The following PCDH11Y variants were observed in gnomAD, a reference collection of about 807,000 sequenced individuals.
The protein encoded by PCDH11Y is protocadherin 11 Y-linked.
For missense variants in PCDH11Y, 12 were observed against 224.8 expected (o/e 0.05, Z 6.05); for synonymous variants, 9 against 83.6 (o/e 0.11, Z 4.87).
intron 1 of PCDH11Y, among the ~76,000 whole-genome samples, chrY:5,007,302 C>T: frequency 1.0e-4 from 3 of 30,029 alleles, no homozygotes; most frequent in Admixed American, 3.1e-4. Context: ...TCATCTTGAA[C>T]GTGTAGATTT....
At chrY:5,002,228 G>A in intron 1 of PCDH11Y, among the ~76,000 whole-genome samples, 5 of 30,151 alleles carry the variant, frequency 1.7e-4, no homozygotes, top group Non-Finnish European at 4.0e-4. Flanking sequence ...GAAGGGGGAG[G>A]GGGGGCAGCA....
At chrY:5,419,701 C>T in intron 2 of PCDH11Y, among the ~76,000 whole-genome samples, 1 of 31,954 alleles carries the variant, frequency 3.1e-5, no homozygotes, top group East Asian at 8.4e-4. Flanking sequence ...CACATGGCCT[C>T]TTCTCTGTGT....
At chrY:5,205,539 A>C in intron 2 of PCDH11Y, among the ~76,000 whole-genome samples, 2 of 24,677 alleles carry the variant, frequency 8.1e-5, no homozygotes. Context: ...ATATATATAC[A>C]CTGAATATAT....
intron 2 of PCDH11Y, among the ~76,000 whole-genome samples, chrY:5,316,205 G>T (rs1602903367): frequency 1.5e-4 from 5 of 32,911 alleles, no homozygotes; most frequent in African/African-American, 3.5e-4. Context: ...GGTTCAGAAA[G>T]GTGGGACAAC....
At chrY:5,517,656 A>G in intron 3 of PCDH11Y, among the ~76,000 whole-genome samples, 1 of 32,392 alleles carries the variant, frequency 3.1e-5, no homozygotes, top group South Asian at 6.7e-4. Flanking sequence ...TGGTAAGGGC[A>G]AGTTATGATC....
intron 1 of PCDH11Y, among the ~76,000 whole-genome samples, chrY:5,097,964 A>C: frequency 3.1e-5 from 1 of 32,341 alleles, no homozygotes. Flanking sequence ...AATTTTACAA[A>C]TATCAAGAAA....
chrY:5,472,753 A>G (rs2053315252), intron 2 of PCDH11Y, among the ~76,000 whole-genome samples: 1 of 31,015 alleles, frequency 3.2e-5, no homozygotes, highest in Admixed American at 3.0e-4. Context: ...TCTCCTTTCA[A>G]TTCCCCCTGT....
chrY:5,398,047 A>G, intron 2 of PCDH11Y, among the ~76,000 whole-genome samples: 3 of 33,651 alleles, frequency 8.9e-5, no homozygotes, highest in Non-Finnish European at 2.2e-4. Flanking sequence ...AGGAAACCAA[A>G]TTACTTGAAG....
intron 2 of PCDH11Y, among the ~76,000 whole-genome samples, chrY:5,244,681 G>C: frequency 5.9e-5 from 2 of 34,014 alleles, no homozygotes; most frequent in African/African-American, 2.3e-4. Context: ...CCCAACCACG[G>C]AGCTGCATAG....
At chrY:5,516,550 A>G (rs2053372878) in intron 3 of PCDH11Y, among the ~76,000 whole-genome samples, 1 of 33,375 alleles carries the variant, frequency 3.0e-5, no homozygotes, top group Non-Finnish European at 7.4e-5. Flanking sequence ...GAGTTGTTTC[A>G]TGTGTCATTA....
chrY:5,438,157 G>T, intron 2 of PCDH11Y, among the ~76,000 whole-genome samples: 1 of 26,971 alleles, frequency 3.7e-5, no homozygotes, highest in East Asian at 9.3e-4. Context: ...CATCTTAAGA[G>T]CAATGATTAT....
chrY:5,454,128 G>GA (rs2053295627), intron 2 of PCDH11Y, among the ~76,000 whole-genome samples: 4 of 33,613 alleles, frequency 1.2e-4, no homozygotes, highest in Non-Finnish European at 3.0e-4. Flanking sequence ...AAATACAATG[G>GA]AAAAACCAGC....
At chrY:5,122,648 C>G in intron 2 of PCDH11Y, among the ~76,000 whole-genome samples, 17 of 31,094 alleles carry the variant, frequency 5.5e-4, no homozygotes, top group African/African-American at 2.1e-3. Context: ...AGGCCATTCA[C>G]AATTCTATCA....
At chrY:5,225,745 T>C in intron 2 of PCDH11Y, among the ~76,000 whole-genome samples, 2 of 32,594 alleles carry the variant, frequency 6.1e-5, no homozygotes, top group Admixed American at 5.7e-4. Context: ...AACAACTGTA[T>C]ATAAGAGTTA....
intron 2 of PCDH11Y, among the ~76,000 whole-genome samples, chrY:5,462,916 C>T (rs777525242): frequency 0.07 from 2,304 of 33,108 alleles, no homozygotes; most frequent in Non-Finnish European, 0.11. Flanking sequence ...GATTTACAGG[C>T]GTGAGCCAAC....
chrY:5,013,657 TCA>T, intron 1 of PCDH11Y, among the ~76,000 whole-genome samples: 1 of 33,533 alleles, frequency 3.0e-5, no homozygotes, highest in East Asian at 7.7e-4. Context: ...ATTACAATTC[TCA>T]GTTACAATTA....
chrY:5,556,808 C>T, intron 3 of PCDH11Y, among the ~76,000 whole-genome samples: 2 of 32,141 alleles, frequency 6.2e-5, no homozygotes, highest in Non-Finnish European at 1.5e-4. Flanking sequence ...TACATTTAAA[C>T]CTTCAACTTA....
intron 4 of PCDH11Y, among the ~76,000 whole-genome samples, chrY:5,641,271 C>A: frequency 3.0e-5 from 1 of 33,575 alleles, no homozygotes; most frequent in Non-Finnish European, 7.4e-5. Flanking sequence ...TGGAATATAA[C>A]TTTTACTTTT....
At chrY:5,393,775 A>G in intron 2 of PCDH11Y, among the ~76,000 whole-genome samples, 1 of 28,654 alleles carries the variant, frequency 3.5e-5, no homozygotes, top group Non-Finnish European at 8.2e-5. Context: ...CAGAAAATTA[A>G]TAAATAAACA....
Sources: gnomAD v4.1 joint callset for allele counts (sites outside exome capture counted in the v4.1 genomes callset) on GRCh38, gnomAD v4.1.1 for gene constraint, MANE v1.5 for transcripts, NCBI Gene and HGNC (gene_info 2026-07-23, HGNC 2026-07-21) for gene names.